The following L3MBTL4 variants were observed in gnomAD, a reference collection of about 807,000 sequenced individuals.
The protein encoded by L3MBTL4 is L3MBTL histone methyl-lysine binding protein 4.
In L3MBTL4, 70 loss-of-function variants were observed where a neutral mutation model predicts 84.5. The observed-to-expected ratio is 0.83, with a 90% CI of 0.68 to 1.01. The LOEUF is 1.01. L3MBTL4 is among the 50% of genes least tolerant of loss of function. The pLI is 0.00. For synonymous variants in L3MBTL4, 274 were observed against 259.8 expected (o/e 1.05, Z -0.52); for missense variants, 715 against 754.8 (o/e 0.95, Z 0.62).
At chr18:6,145,874 A>G (rs559319856) in intron 13 of L3MBTL4, among the ~76,000 whole-genome samples, 181 of 152,294 alleles carry the variant, frequency 1.2e-3, no homozygotes, top group African/African-American at 4.3e-3. Flanking sequence ...GGTGCCAAAG[A>G]TGGAATAAGC....
intron 1 of L3MBTL4, among the ~76,000 whole-genome samples, chr18:6,334,585 T>A (rs2052230525): frequency 6.6e-6 from 1 of 152,210 alleles, no homozygotes; most frequent in Non-Finnish European, 1.5e-5. Context: ...ATTAAAAACA[T>A]CAAAATATAA....
At chr18:6,134,567 G>T (rs2059974954) in intron 14 of L3MBTL4, among the ~76,000 whole-genome samples, 1 of 152,128 alleles carries the variant, frequency 6.6e-6, no homozygotes, top group Non-Finnish European at 1.5e-5. Flanking sequence ...GTTCCAAATG[G>T]GAGAAATTGG....
In L3MBTL4 at chr18:6,279,874, T is replaced by C. The variant is rs1171227511; in HGVS notation, c.128-15836A>G. Among the ~76,000 whole-genome samples the C allele has an allele frequency of 2.0e-5, 3 of 152,194 alleles. No homozygotes were observed. The South Asian group carries it at 6.2e-4, about 31-fold the overall frequency. On this transcript the variant is annotated intron_variant, in intron 4 of 18. Coordinates refer to ENST00000317931, the MANE Select transcript of L3MBTL4 (RefSeq NM_001330559.2). ...CCTAGAGCCACCGAATGTAATAGAT[T>C]AAATATAATATAGCTCCGGTTATTA...
At chr18:5,979,456 C>G (rs557065710) in intron 16 of L3MBTL4, among the ~76,000 whole-genome samples, 36 of 152,238 alleles carry the variant, frequency 2.4e-4, no homozygotes, top group African/African-American at 8.4e-4. Flanking sequence ...TGTGCTGGGC[C>G]CCTCTTAATC....
chr18:6,047,099 CT>C (rs1219104453), intron 16 of L3MBTL4, among the ~76,000 whole-genome samples: 1 of 152,054 alleles, frequency 6.6e-6, no homozygotes, highest in Non-Finnish European at 1.5e-5. Flanking sequence ...AAAAAAAATC[CT>C]CAGAGACTAT....
chr18:6,404,921 C>T (rs1568614549), intron 1 of L3MBTL4, among the ~76,000 whole-genome samples: 1 of 151,734 alleles, frequency 6.6e-6, no homozygotes, highest in African/African-American at 2.4e-5. Context: ...GTCTTGAACT[C>T]CTGGGCTCAA....
chr18:6,374,879 T>C (rs1599827183), intron 1 of L3MBTL4, among the ~76,000 whole-genome samples: 1 of 152,268 alleles, frequency 6.6e-6, no homozygotes, highest in East Asian at 1.9e-4. Flanking sequence ...CACCGTGAAA[T>C]CTATGGAAAA....
intron 15 of L3MBTL4, among the ~76,000 whole-genome samples, chr18:6,083,450 G>A (rs1469117002): frequency 6.6e-6 from 1 of 152,170 alleles, no homozygotes; most frequent in Non-Finnish European, 1.5e-5. Context: ...ATGGGTTCTC[G>A]AGGATGTGGA....
intron 5 of L3MBTL4, among the ~76,000 whole-genome samples, chr18:6,255,548 G>A (rs1011299279): frequency 6.6e-6 from 1 of 152,120 alleles, no homozygotes; most frequent in Non-Finnish European, 1.5e-5. Context: ...GCCCTTCAGA[G>A]CCCCAGCAAT....
At chr18:6,295,793 T>A (rs2050085788) in intron 4 of L3MBTL4, among the ~76,000 whole-genome samples, 1 of 152,138 alleles carries the variant, frequency 6.6e-6, no homozygotes, top group Non-Finnish European at 1.5e-5. Flanking sequence ...GCTGATATGG[T>A]TTGAATCTGT....
intron 16 of L3MBTL4, among the ~76,000 whole-genome samples, chr18:6,037,781 A>C (rs1402550100): frequency 6.6e-6 from 1 of 152,218 alleles, no homozygotes; most frequent in Non-Finnish European, 1.5e-5. Flanking sequence ...TGGTTTAGAA[A>C]ATTTTACTCT....
At chr18:6,243,214 G>C in intron 7 of L3MBTL4, 80 bp downstream of exon 7, 1 of 1,275,760 alleles carries the variant, frequency 7.8e-7, no homozygotes, top group Non-Finnish European at 1.0e-6. Flanking sequence ...TCTCTTCTTC[G>C]AATTTCATAA....
Position 6,240,007 on chromosome 18 carries a change from T to A in L3MBTL4, c.553-135A>T, listed in dbSNP as rs1189254560. On this transcript the variant is annotated intron_variant, in intron 8 of 18. Transcript: ENST00000317931. ...AGCACTTAGCCTCTGGACAAAGCCA[T>A]CAAATGCCTGTAAAAATATCCGGCA... The A allele has an allele frequency of 6.7e-6, 5 of 744,100 alleles. No individual in the cohort carries two copies. In the Admixed American group the frequency reaches 1.4e-4, roughly 21 times the overall value. The allele number at this position is 744,100 out of a possible 1,614,324, so 46.1% of individuals were successfully genotyped here.
chr18:6,311,423 T>A, intron 3 of L3MBTL4, 131 bp downstream of exon 3: 1 of 701,180 alleles, frequency 1.4e-6, no homozygotes, highest in Admixed American at 2.1e-5. Flanking sequence ...CACATAAAGC[T>A]CAAGCAGAAG....
intron 5 of L3MBTL4, among the ~76,000 whole-genome samples, chr18:6,245,257 G>A (rs1328914588): frequency 6.6e-6 from 1 of 152,158 alleles, no homozygotes; most frequent in Non-Finnish European, 1.5e-5. Context: ...GGCTAAAGAT[G>A]GAAGACTGTT....
intron 14 of L3MBTL4, among the ~76,000 whole-genome samples, chr18:6,131,727 T>C (rs1175542350): frequency 2.0e-5 from 3 of 152,190 alleles, no homozygotes; most frequent in Non-Finnish European, 4.4e-5. Flanking sequence ...GGAAAATTTC[T>C]AGCAGGCATG....
chr18:6,219,491 T>C (rs2046460394), intron 10 of L3MBTL4, among the ~76,000 whole-genome samples: 1 of 139,622 alleles, frequency 7.2e-6, no homozygotes, highest in Admixed American at 7.0e-5. Flanking sequence ...AGCTTGGACC[T>C]CATTCTTTAG....
chr18:6,156,369 A>G (rs1190854026), intron 13 of L3MBTL4, among the ~76,000 whole-genome samples: 1 of 148,694 alleles, frequency 6.7e-6, no homozygotes, highest in Non-Finnish European at 1.5e-5. Flanking sequence ...ATAAATCTCT[A>G]TTCAATTACC....
chr18:6,168,916 T>C (rs1433182381), intron 13 of L3MBTL4, among the ~76,000 whole-genome samples: 3 of 152,172 alleles, frequency 2.0e-5, no homozygotes, highest in African/African-American at 4.8e-5. Flanking sequence ...AGAAAATTTT[T>C]GCAACCTACT....
Sources: allele counts gnomAD v4.1 joint callset (sites outside exome capture counted in the v4.1 genomes callset), GRCh38; gene constraint gnomAD v4.1.1; transcripts MANE v1.5; gene names NCBI Gene and HGNC (gene_info 2026-07-23, HGNC 2026-07-21).